C12orf42: variants seen among roughly 807,000 people sequenced by gnomAD.
C12orf42 encodes the protein uncharacterized protein C12orf42.
A neutral mutation model predicts 21.6 loss-of-function variants in C12orf42; 25 were observed. The observed-to-expected ratio is 1.16, with a 90% CI of 0.84 to 1.62. C12orf42 has a LOEUF of 1.62. Among genes scored for constraint, C12orf42 ranks in the 40% most tolerant of loss-of-function variants. The pLI is 0.00. For synonymous variants in C12orf42, 174 were observed against 175.0 expected, an observed-to-expected ratio of 0.99 and a Z score of 0.05; for missense variants, 483 against 459.3, an observed-to-expected ratio of 1.05 and a Z score of -0.47.
At chr12:103,210,485 C>T in the C12orf42 span, among the ~76,000 whole-genome samples, 2 of 152,138 alleles carry the variant, frequency 1.3e-5, no homozygotes, top group Admixed American at 1.3e-4. Flanking sequence ...TCCTTTTTCA[C>T]TCTGTGGGGC....
At chr12:103,393,949 A>G (rs151047609) in intron 3 of C12orf42, among the ~76,000 whole-genome samples, 89 of 152,336 alleles carry the variant, frequency 5.8e-4, no homozygotes, top group African/African-American at 1.9e-3. Flanking sequence ...TTCCCCAGGT[A>G]TGCTGATATC....
the C12orf42 span, among the ~76,000 whole-genome samples, chr12:103,232,272 A>G: frequency 3.0e-4 from 45 of 152,240 alleles, no homozygotes; most frequent in Admixed American, 1.9e-3. Context: ...TAATCTCTTT[A>G]TAGTATCTTT....
intron 2 of C12orf42, among the ~76,000 whole-genome samples, chr12:103,430,280 AC>A (rs1950169067): frequency 6.6e-6 from 1 of 152,118 alleles, no homozygotes; most frequent in South Asian, 2.1e-4. Context: ...AACACAAACA[AC>A]TCCATCAAAA....
In C12orf42 at chr12:103,399,941, C is replaced by T. The variant is rs537566249; in HGVS notation, c.147+1666G>A. On this transcript the variant is annotated intron_variant, in intron 3 of 5. Transcript: ENST00000548883. ...TATACATGTGCTATATAACATCTGA[C>T]GTACAGTGCATAATATACCATGTAT... is the stretch of plus-strand genomic sequence containing the variant. Among the ~76,000 whole-genome samples, 22 of 151,948 alleles carry T rather than the reference C, an allele frequency of 1.4e-4. 1 individual carries two copies. The highest frequency in any genetic ancestry group is 1.2e-3 in the South Asian group (6 of 4,814).
the C12orf42 span, among the ~76,000 whole-genome samples, chr12:103,529,204 G>A: frequency 6.6e-6 from 1 of 152,164 alleles, no homozygotes; most frequent in South Asian, 2.1e-4. Context: ...ACAATGAACA[G>A]TAGCACAAGA....
intron 4 of C12orf42, among the ~76,000 whole-genome samples, chr12:103,320,598 C>T (rs2039990798): frequency 1.3e-5 from 2 of 152,162 alleles, no homozygotes; most frequent in Non-Finnish European, 2.9e-5. Context: ...AATACTAAAC[C>T]TAACAGCAAA....
At chr12:103,139,084 T>C in the C12orf42 span, among the ~76,000 whole-genome samples, 7 of 152,212 alleles carry the variant, frequency 4.6e-5, no homozygotes, top group African/African-American at 1.2e-4. Context: ...AGTATCATAA[T>C]TGAATATCAT....
chr12:103,402,657 A>G (rs941701002), intron 2 of C12orf42, among the ~76,000 whole-genome samples: 2 of 152,228 alleles, frequency 1.3e-5, no homozygotes, highest in African/African-American at 2.4e-5. Context: ...TAAGATTCCA[A>G]TAACACTAAA....
chr12:103,291,553 T>C (rs138937095), intron 4 of C12orf42, among the ~76,000 whole-genome samples: 47 of 152,304 alleles, frequency 3.1e-4, no homozygotes, highest in South Asian at 4.1e-4. Flanking sequence ...TGACTAGCTA[T>C]ACTTAATAGC....
At chr12:103,292,996 A>G (rs1235150554) in intron 4 of C12orf42, among the ~76,000 whole-genome samples, 1 of 152,084 alleles carries the variant, frequency 6.6e-6, no homozygotes, top group African/African-American at 2.4e-5. Flanking sequence ...AACACCATAG[A>G]ATTCATTGAA....
At chr12:103,556,682 T>G in the C12orf42 span, among the ~76,000 whole-genome samples, 2 of 152,170 alleles carry the variant, frequency 1.3e-5, no homozygotes, top group African/African-American at 4.8e-5. Context: ...AGGTTCTGTA[T>G]GGGTTGAATG....
chr12:103,208,599 G>A, the C12orf42 span, among the ~76,000 whole-genome samples: 5 of 152,086 alleles, frequency 3.3e-5, no homozygotes, highest in Admixed American at 2.6e-4. Context: ...CAATTTTTTG[G>A]CATTATCTTA....
intron 1 of C12orf42, among the ~76,000 whole-genome samples, chr12:103,490,587 T>A (rs1005881288): frequency 6.6e-6 from 1 of 152,104 alleles, no homozygotes; most frequent in African/African-American, 2.4e-5. Context: ...CACTTATTTC[T>A]GTTTTACATC....
In C12orf42 at chr12:103,478,389, TC is replaced by T; in HGVS notation, c.37del (p.Glu13AsnfsTer4). 6.2e-7 allele frequency: 1 copy of T among 1,604,658 alleles called. No individual in the cohort carries two copies. The highest frequency in any genetic ancestry group is 2.2e-5 in the East Asian group (1 of 44,718). On this transcript the variant is annotated frameshift_variant, in exon 2 of 6. Coordinates refer to ENST00000548883, the MANE Select transcript of C12orf42 (RefSeq NM_198521.5). ...TVICMKQREE[E>X]FLLTIRPFAN... ...AAAAGGTCTGATGGTTAGCAAGAAT[TC>T]TTCTTCCCTTTGTTTCATACATATC...
At chr12:103,424,333 A>G (rs1035180532) in intron 2 of C12orf42, among the ~76,000 whole-genome samples, 4 of 152,262 alleles carry the variant, frequency 2.6e-5, no homozygotes, top group African/African-American at 9.6e-5. Flanking sequence ...ATGATCTCCT[A>G]TCAGCTAATA....
chr12:103,532,592 A>G, the C12orf42 span, among the ~76,000 whole-genome samples: 1 of 152,328 alleles, frequency 6.6e-6, no homozygotes, highest in East Asian at 1.9e-4. Flanking sequence ...GTTCTAAACT[A>G]AAGAAAATTT....
intron 4 of C12orf42, among the ~76,000 whole-genome samples, chr12:103,282,383 T>C (rs977331080): frequency 3.3e-5 from 5 of 152,318 alleles, no homozygotes; most frequent in Non-Finnish European, 5.9e-5. Flanking sequence ...TCCTCTAAGA[T>C]TATAATGCTG....
At chr12:103,377,084 G>A (rs1295071592) in intron 3 of C12orf42, among the ~76,000 whole-genome samples, 1 of 151,856 alleles carries the variant, frequency 6.6e-6, no homozygotes, top group Non-Finnish European at 1.5e-5. Context: ...TTAAAATATG[G>A]CATCCTGTTC....
intron 3 of C12orf42, among the ~76,000 whole-genome samples, chr12:103,371,742 G>T (rs746413503): frequency 2.6e-5 from 4 of 152,130 alleles, no homozygotes; most frequent in Non-Finnish European, 4.4e-5. Flanking sequence ...CAGAGCAGGG[G>T]TTATAAAATC....
Sources: allele counts gnomAD v4.1 joint callset (sites outside exome capture counted in the v4.1 genomes callset), GRCh38; gene constraint gnomAD v4.1.1; transcripts MANE v1.5; gene names NCBI Gene and HGNC (gene_info 2026-07-23, HGNC 2026-07-21).